The following PCDHGA5 variants were observed in gnomAD, a reference collection of about 807,000 sequenced individuals.
PCDHGA5 encodes the protein protocadherin gamma-A5.
A neutral mutation model predicts 56.7 loss-of-function variants in PCDHGA5; 36 were observed. The observed-to-expected ratio is 0.64, with a 90% CI of 0.49 to 0.84. The LOEUF (loss-of-function observed/expected upper bound fraction) is 0.84. Among genes scored for constraint, PCDHGA5 ranks in the 40% least tolerant of loss-of-function variants. The pLI, the probability that PCDHGA5 is intolerant of heterozygous loss-of-function variation, is 0.00. For synonymous variants in PCDHGA5, 563 were observed against 520.2 expected, an observed-to-expected ratio of 1.08 and a Z score of -1.12; for missense variants, 1,305 against 1,201.5, an observed-to-expected ratio of 1.09 and a Z score of -1.27.
At chr5:141,404,675 G>A (rs1048688884) in intron 1 of PCDHGA5, 2 of 1,614,200 alleles carry the variant, frequency 1.2e-6, no homozygotes, top group Non-Finnish European at 1.7e-6. Flanking sequence ...TTCTACTGGT[G>A]TGGAGCTGGC....
chr5:141,376,073 G>A (rs767716077), intron 1 of PCDHGA5: 1 of 1,613,508 alleles, frequency 6.2e-7, no homozygotes, highest in Non-Finnish European at 8.5e-7. Context: ...CACCGTGGCC[G>A]TGGCCGACAG....
intron 1 of PCDHGA5, among the ~76,000 whole-genome samples, chr5:141,454,195 T>A (rs1295815862): frequency 1.3e-5 from 2 of 152,136 alleles, no homozygotes; most frequent in Admixed American, 1.3e-4. Flanking sequence ...TTAGTGAAGG[T>A]GAATTTATTG....
intron 2 of PCDHGA5, among the ~76,000 whole-genome samples, chr5:141,498,260 A>C (rs1044675509): frequency 6.6e-6 from 1 of 152,140 alleles, no homozygotes; most frequent in Non-Finnish European, 1.5e-5. Flanking sequence ...GCTGGTGTTG[A>C]GTTCTTCAGT....
chr5:141,469,104 C>T (rs1046234848), intron 1 of PCDHGA5, among the ~76,000 whole-genome samples: 1 of 151,760 alleles, frequency 6.6e-6, no homozygotes, highest in Admixed American at 6.6e-5. Flanking sequence ...AAGCAAGAAC[C>T]TGTCTCTAAA....
chr5:141,506,246 C>T (rs1049014492), intron 3 of PCDHGA5, among the ~76,000 whole-genome samples: 3 of 151,958 alleles, frequency 2.0e-5, no homozygotes, highest in South Asian at 4.2e-4. Context: ...GTCAGGAGTT[C>T]GAAACCGGCC....
At chr5:141,436,910 TGTGA>T (rs1332506247) in intron 1 of PCDHGA5, among the ~76,000 whole-genome samples, 1 of 152,228 alleles carries the variant, frequency 6.6e-6, no homozygotes, top group Non-Finnish European at 1.5e-5. Flanking sequence ...GAGACAATTT[TGTGA>T]GTGTTACTTT....
intron 1 of PCDHGA5, chr5:141,424,599 GATTT>G (rs1016470290): frequency 3.9e-5 from 6 of 152,170 alleles, no homozygotes; most frequent in Non-Finnish European, 8.8e-5. Flanking sequence ...GATGTCTACA[GATTT>G]ATTCAAATAG....
At chr5:141,461,273 C>A (rs1301916233) in intron 1 of PCDHGA5, among the ~76,000 whole-genome samples, 1 of 152,128 alleles carries the variant, frequency 6.6e-6, no homozygotes, top group Admixed American at 6.6e-5. Flanking sequence ...TAAGTGTTCT[C>A]TTTTCCCCAC....
At chr5:141,467,906 A>T (rs917983299) in intron 1 of PCDHGA5, among the ~76,000 whole-genome samples, 5 of 152,002 alleles carry the variant, frequency 3.3e-5, no homozygotes, top group African/African-American at 9.7e-5. Flanking sequence ...AAATCCGCCC[A>T]CCTCAGCCTC....
At chr5:141,441,554 G>T (rs3805698) in intron 1 of PCDHGA5, 21,236 of 192,824 alleles carry the variant, frequency 0.11, 1,386 homozygotes, top group African/African-American at 0.18. Flanking sequence ...TCCATAGTGT[G>T]CAAGTAGACA....
chr5:141,491,564 G>A lies in PCDHGA5; in HGVS notation c.2422-3243G>A, dbSNP rs2099721154. On this transcript the variant is annotated intron_variant, in intron 1 of 3. Coordinates refer to ENST00000518069, the MANE Select transcript of PCDHGA5 (RefSeq NM_018918.3). The surrounding 1 kb of genome is among the most constrained non-coding windows in gnomAD (Gnocchi z 6.9). Reference sequence around the variant, plus strand: ...ACAGACTCGCAGAGCCACTGCTACAGGACGTGCTTTTCACCGGCCTCGGAC... The same window carrying A: ...ACAGACTCGCAGAGCCACTGCTACAAGACGTGCTTTTCACCGGCCTCGGAC... The A allele has an allele frequency of 3.1e-6, 5 of 1,613,878 alleles. No individual in the cohort carries two copies. Among genetic ancestry groups the A allele is most frequent in the Non-Finnish European group, 8.5e-7 (1 of 1,180,042 alleles).
chr5:141,389,999 G>C (rs777892783), intron 1 of PCDHGA5: 4 of 1,614,018 alleles, frequency 2.5e-6, no homozygotes, highest in Non-Finnish European at 3.4e-6. Context: ...TCGTGGCCAT[G>C]ATTCTGGCCA....
chr5:141,408,673 C>T (rs1397679515), intron 1 of PCDHGA5: 3 of 1,613,854 alleles, frequency 1.9e-6, no homozygotes, highest in Non-Finnish European at 2.5e-6. Flanking sequence ...TTGACCCTGC[C>T]ACGGATCCTG....
chr5:141,418,699 C>A, intron 1 of PCDHGA5: 1 of 1,614,014 alleles, frequency 6.2e-7, no homozygotes, highest in Non-Finnish European at 8.5e-7. Context: ...TCACTTATTC[C>A]TTCTTTGGTG....
intron 1 of PCDHGA5, chr5:141,415,704 T>G: frequency 7.4e-7 from 1 of 1,344,464 alleles, no homozygotes; most frequent in Non-Finnish European, 1.0e-6. Flanking sequence ...GTGTAAATGC[T>G]AAAACACTGA....
At position 141,490,597 on chromosome 5, in the gene PCDHGA5, C is replaced by G. The variant is rs781077720; in HGVS notation, c.2422-4210C>G. 1 of 1,614,182 alleles carries G rather than the reference C, an allele frequency of 6.2e-7. No homozygotes were observed. On this transcript the variant is annotated intron_variant, in intron 1 of 3. Transcript: ENST00000518069. This position sits in a 1 kb window ranked among gnomAD's most constrained non-coding sequence, Gnocchi z 5.4. ...TTCAGATGTCAATGACAATGCACCC[C>G]GCTTCAACCAGCAGCTTTACACTGC...
intron 1 of PCDHGA5, among the ~76,000 whole-genome samples, chr5:141,481,478 T>C (rs2099538352): frequency 6.6e-6 from 1 of 152,232 alleles, no homozygotes; most frequent in African/African-American, 2.4e-5. Context: ...GATTATACAC[T>C]TTAAATATGT....
At chr5:141,508,017 G>C (rs2099865601) in intron 3 of PCDHGA5, 1 of 152,310 alleles carries the variant, frequency 6.6e-6, no homozygotes, top group Non-Finnish European at 1.5e-5. Context: ...TCTCAAGGAG[G>C]CTGCGGTTTG....
At chr5:141,429,571 A>G (rs1221285032) in intron 1 of PCDHGA5, among the ~76,000 whole-genome samples, 2 of 152,156 alleles carry the variant, frequency 1.3e-5, no homozygotes, top group Non-Finnish European at 2.9e-5. Flanking sequence ...ATTCAGTTAC[A>G]TTTACTTTTG....
Sources: allele counts gnomAD v4.1 joint callset (sites outside exome capture counted in the v4.1 genomes callset), GRCh38; gene constraint gnomAD v4.1.1; non-coding constraint Gnocchi (gnomAD v3.1); transcripts MANE v1.5; gene names NCBI Gene and HGNC (gene_info 2026-07-23, HGNC 2026-07-21).